The following FOCAD variants were observed in gnomAD, a reference collection of about 807,000 sequenced individuals.
FOCAD encodes KIAA1797.
A neutral mutation model predicts 225.6 loss-of-function variants in FOCAD; 198 were observed. The observed-to-expected ratio is 0.88, with a 90% CI of 0.78 to 0.99. The LOEUF (loss-of-function observed/expected upper bound fraction) is 0.99. Among genes scored for constraint, FOCAD ranks in the 50% least tolerant of loss-of-function variants. The pLI, the probability that FOCAD is intolerant of heterozygous loss-of-function variation, is 0.00. For synonymous variants in FOCAD, 897 were observed against 755.0 expected, an observed-to-expected ratio of 1.19 and a Z score of -3.08; for missense variants, 2,713 against 2,123.6, an observed-to-expected ratio of 1.28 and a Z score of -5.46.
At chr9:20,860,704 T>C (rs1026968512) in intron 15 of FOCAD, among the ~76,000 whole-genome samples, 2 of 152,300 alleles carry the variant, frequency 1.3e-5, no homozygotes, top group Admixed American at 1.3e-4. Flanking sequence ...AGAGACAGGG[T>C]TTCACTGTGT....
In FOCAD at chr9:20,990,351, C is replaced by T; in HGVS notation, c.5233C>T (p.Pro1745Ser). The T allele has an allele frequency of 6.2e-7, 1 of 1,613,772 alleles. No homozygotes were observed. The highest frequency in any genetic ancestry group is 8.5e-7 in the Non-Finnish European group (1 of 1,179,958). Reference protein sequence around the residue: ...NSMALLLQKEPWKEQTQKFID... With the variant: ...NSMALLLQKESWKEQTQKFID... ...CATGGCTCTGCTGCTGCAGAAAGAG[C>T]CATGGAAGGAACAGACCCAGAAGGT... is the stretch of plus-strand genomic sequence containing the variant. Residue 1745 changes from proline (P) to serine (S), a missense_variant, in exon 42 of 44, where the codon CCA becomes TCA. Pro to Ser is a moderately conservative substitution (Grantham distance 74, BLOSUM62 -1). Coordinates refer to ENST00000338382, the MANE Select transcript of FOCAD (RefSeq NM_001375567.1).
chr9:20,833,720 C>G lies in FOCAD; in HGVS notation c.1920+10605C>G, dbSNP rs148169383. On this transcript the variant is annotated intron_variant, in intron 15 of 43. Transcript: ENST00000338382. ...CAATTTGTCTCTGTAACAACTCTCT[C>G]TTCAACTTCACAAACTGCTCTTCAA... 2.6e-4 allele frequency among the ~76,000 whole-genome samples: 39 copies of G among 152,210 alleles called. No homozygotes were observed. In the East Asian group the frequency reaches 7.5e-3, roughly 29 times the overall value.
At chr9:20,940,804 AAG>A (rs1243008704) in intron 28 of FOCAD, among the ~76,000 whole-genome samples, 5 of 152,212 alleles carry the variant, frequency 3.3e-5, no homozygotes, top group Admixed American at 2.6e-4. Context: ...TGGCAGAGCC[AAG>A]AGAGAAACCT....
chr9:20,873,780 T>C (rs764186489), intron 18 of FOCAD: 1 of 152,176 alleles, frequency 6.6e-6, no homozygotes, highest in Non-Finnish European at 1.5e-5. Flanking sequence ...TGGGGACCTA[T>C]GAAGAAGGCA....
upstream of FOCAD, among the ~76,000 whole-genome samples, chr9:20,656,494 G>C (rs1197000866): frequency 3.6e-4 from 55 of 152,184 alleles, no homozygotes; most frequent in Non-Finnish European, 1.2e-4. Flanking sequence ...AGGATAGTTA[G>C]CTCTTCTTGT....
intron 5 of FOCAD, among the ~76,000 whole-genome samples, chr9:20,742,106 C>T (rs1004666828): frequency 3.3e-5 from 5 of 152,232 alleles, no homozygotes; most frequent in Admixed American, 6.5e-5. Flanking sequence ...ACCAATTAGC[C>T]GTCACTCCAT....
chr9:20,862,529 T>G, intron 15 of FOCAD, 49 bp from the exon 16 acceptor site: 8 of 1,590,122 alleles, frequency 5.0e-6, no homozygotes, highest in Non-Finnish European at 6.0e-6. Context: ...AATGGCTTCA[T>G]ATAGGTTGGA....
At chr9:20,789,177 G>T (rs949017244) in intron 10 of FOCAD, among the ~76,000 whole-genome samples, 174 bp from the exon 11 acceptor site, 2 of 152,052 alleles carry the variant, frequency 1.3e-5, no homozygotes, top group African/African-American at 4.8e-5. Flanking sequence ...TTTTCTCTTT[G>T]TGTAATCCTA....
At position 20,926,375 on chromosome 9, in the gene FOCAD, C is replaced by T; in HGVS notation, c.3036C>T (p.Ser1012=). 1.2e-6 allele frequency: 2 copies of T among 1,613,066 alleles called. No individual in the cohort carries two copies. The highest frequency in any genetic ancestry group is 1.7e-6 in the Non-Finnish European group (2 of 1,179,208). The change falls in exon 26 of 44, where the codon AGC becomes AGT. Residue 1012 remains serine (S), a synonymous_variant. Transcript: ENST00000338382. ...ATACACTCTTGGTCATTGTGGATAG[C>T]CATTACCAACCCAGAGGGCAACTTC... ...VLDTLLVIVD[S]HYQPRGQLLS... is the part of the protein sequence containing the mutation.
At chr9:20,705,999 A>G (rs887060883) in intron 1 of FOCAD, among the ~76,000 whole-genome samples, 5 of 146,610 alleles carry the variant, frequency 3.4e-5, no homozygotes, top group Non-Finnish European at 7.4e-5. Flanking sequence ...CAGTGGCACA[A>G]TCCTGGCTCT....
At chr9:20,910,067 G>A (rs1354488350) in intron 22 of FOCAD, among the ~76,000 whole-genome samples, 1 of 152,056 alleles carries the variant, frequency 6.6e-6, no homozygotes, top group African/African-American at 2.4e-5. Context: ...CTTCTGCTTA[G>A]ACGTCTGCTT....
intron 1 of FOCAD, among the ~76,000 whole-genome samples, chr9:20,702,323 C>A (rs1203931294): frequency 6.6e-6 from 1 of 152,040 alleles, no homozygotes; most frequent in African/African-American, 2.4e-5. Context: ...AGGTTGATTT[C>A]GAACCCCTGG....
chr9:20,986,266 A>ATTTTGTTTTTTTTTTTTTTTT, intron 39 of FOCAD, 22 bp from the exon 40 acceptor site: 2 of 705,686 alleles, frequency 2.8e-6, no homozygotes, highest in Non-Finnish European at 3.6e-6. Context: ...TAACTAAACA[A>ATTTTGTTTTTTTTTTTTTTTT]TTTTTTTTTT....
chr9:20,821,019 T>C lies in FOCAD; in HGVS notation c.1741T>C (p.Trp581Arg), dbSNP rs564649863. 3.2e-5 allele frequency: 51 copies of C among 1,612,670 alleles called. 1 individual carries two copies. In the South Asian group the frequency reaches 5.2e-4, roughly 16 times the overall value. The change falls in exon 14 of 44, where the codon TGG becomes CGG. Residue 581 changes from tryptophan (W) to arginine (R), a missense_variant. By Grantham distance (101) the Trp-to-Arg change is moderately radical (BLOSUM62 -3). Coordinates refer to ENST00000338382, the MANE Select transcript of FOCAD (RefSeq NM_001375567.1). ...PSLSVGKEVQ[W>R]EKLIAKAASI... ...TCTTTCGGTGGGCAAGGAAGTCCAATGGGAGAAACTGATTGCAAAAGCAGC... is the reference window on the plus strand; with the variant it reads ...TCTTTCGGTGGGCAAGGAAGTCCAACGGGAGAAACTGATTGCAAAAGCAGC...
chr9:20,808,359 A>G (rs935935008), intron 11 of FOCAD, among the ~76,000 whole-genome samples: 1 of 152,202 alleles, frequency 6.6e-6, no homozygotes, highest in Non-Finnish European at 1.5e-5. Flanking sequence ...TACAAGAAGA[A>G]TAGGGGCAGG....
intron 2 of FOCAD, among the ~76,000 whole-genome samples, chr9:20,678,909 T>C (rs1822315228): frequency 1.3e-5 from 2 of 152,212 alleles, no homozygotes; most frequent in Non-Finnish European, 2.9e-5. Flanking sequence ...CCTAGTTTGA[T>C]TGTACCATCT....
In FOCAD at chr9:20,990,385, C is replaced by A. The variant is rs1025764881; in HGVS notation, c.5256+11C>A. ...GAACAGACCCAGAAGGTGAGGCTGG[C>A]AGCCACCTGCTTAGCAGGGCAGGCA... On this transcript the variant is annotated intron_variant, in intron 42 of 43. Transcript: ENST00000338382. The A allele has an allele frequency of 6.2e-7, 1 of 1,611,824 alleles. No individual in the cohort carries two copies. Among genetic ancestry groups the A allele is most frequent in the African/African-American group, 1.3e-5 (1 of 74,898 alleles).
chr9:20,753,564 G>C (rs1425828226), intron 5 of FOCAD, among the ~76,000 whole-genome samples: 1 of 151,866 alleles, frequency 6.6e-6, no homozygotes, highest in African/African-American at 2.4e-5. Context: ...CGGTTTGCCA[G>C]TATTTTATTG....
chr9:20,896,052 A>G (rs913363736), intron 21 of FOCAD, among the ~76,000 whole-genome samples: 54 of 151,834 alleles, frequency 3.6e-4, no homozygotes, highest in African/African-American at 1.3e-3. Context: ...TTTCTAGTTT[A>G]CTGAGAGTTT....
Sources: allele counts gnomAD v4.1 joint callset (sites outside exome capture counted in the v4.1 genomes callset), GRCh38; gene constraint gnomAD v4.1.1; transcripts MANE v1.5; gene names NCBI Gene and HGNC (gene_info 2026-07-23, HGNC 2026-07-21).